MTDH: variants seen among roughly 807,000 people sequenced by gnomAD.
MTDH encodes metadherin.
In MTDH, 34 loss-of-function variants were observed where a neutral mutation model predicts 72.7. The ratio of observed to expected loss-of-function variants is 0.47; its 90% CI spans 0.36 to 0.62. The LOEUF is 0.62. MTDH is among the 20% of genes least tolerant of loss of function. The probability of loss-of-function intolerance (pLI) is 0.00; values close to 1 mark genes in which losing one functional copy is unlikely to be tolerated. For synonymous variants in MTDH, 266 were observed against 268.9 expected, an observed-to-expected ratio of 0.99 and a Z score of 0.10; for missense variants, 677 against 699.4, an observed-to-expected ratio of 0.97 and a Z score of 0.36.
At chr8:97,693,836 C>T (rs1352678633) in intron 6 of MTDH, among the ~76,000 whole-genome samples, 1 of 152,058 alleles carries the variant, frequency 6.6e-6, no homozygotes, top group African/African-American at 2.4e-5. Flanking sequence ...CTGCCTTAGC[C>T]TTCTTAGTAG....
Position 97,727,981 on chromosome 8 carries a change from G to A in MTDH, c.*3311G>A, listed in dbSNP as rs530163602. 7.9e-5 allele frequency: 12 copies of A among 152,210 alleles called. 1 individual carries two copies. In the South Asian group the frequency reaches 2.5e-3, roughly 32 times the overall value. 9.4% of individuals were successfully genotyped at this position (152,210 alleles called of 1,614,324 possible). A position where few individuals can be genotyped will look rare whatever the true frequency, so the allele number is the denominator to read the frequency against. On this transcript the variant is annotated 3_prime_UTR_variant, in exon 12 of 12. Coordinates refer to ENST00000336273, the MANE Select transcript of MTDH (RefSeq NM_178812.4). ...CAGAATAATTCACCCAAATCTAGTG[G>A]TCTTATTTCATAGGCTAATCTGGTT... is the stretch of plus-strand genomic sequence containing the variant.
At chr8:97,654,768 A>G (rs919545822) in intron 1 of MTDH, among the ~76,000 whole-genome samples, 2 of 151,884 alleles carry the variant, frequency 1.3e-5, no homozygotes, top group Non-Finnish European at 2.9e-5. Flanking sequence ...CACACACACA[A>G]TGCCTCCTGT....
intron 2 of MTDH, among the ~76,000 whole-genome samples, chr8:97,679,681 A>G (rs1235831496): frequency 2.6e-5 from 4 of 152,230 alleles, no homozygotes; most frequent in Admixed American, 2.0e-4. Context: ...TTACAAATGT[A>G]TACACTATCA....
intron 1 of MTDH, among the ~76,000 whole-genome samples, chr8:97,653,735 GAT>G (rs969579356): frequency 3.3e-5 from 5 of 152,174 alleles, no homozygotes; most frequent in Admixed American, 2.6e-4. Flanking sequence ...AAAATTCAGA[GAT>G]ATAAGTGAGG....
intron 7 of MTDH, among the ~76,000 whole-genome samples, chr8:97,705,534 A>C (rs1183101686): frequency 6.6e-6 from 1 of 152,256 alleles, no homozygotes; most frequent in Non-Finnish European, 1.5e-5. Flanking sequence ...TGGGAGGCAG[A>C]GGTTCCAGTT....
At position 97,644,276 on chromosome 8, in the gene MTDH, G is replaced by A; in HGVS notation, c.-231G>A. On this transcript the variant is annotated 5_prime_UTR_variant, in exon 1 of 12. Coordinates refer to ENST00000336273, the MANE Select transcript of MTDH (RefSeq NM_178812.4). ...GCCGCCACTGGAGACACTCCCTCCC[G>A]CCTCCCGGGTCTCCTGGCGGCGGCG... The A allele has an allele frequency of 1.1e-5, 6 of 549,924 alleles. No individual in the cohort carries two copies. Among genetic ancestry groups the A allele is most frequent in the Non-Finnish European group, 1.5e-5 (5 of 324,920 alleles). 34.1% of individuals were successfully genotyped at this position (549,924 alleles called of 1,614,324 possible). A position where few individuals can be genotyped will look rare whatever the true frequency, so the allele number is the denominator to read the frequency against.
intron 2 of MTDH, among the ~76,000 whole-genome samples, chr8:97,664,740 T>C (rs562835498): frequency 2.0e-3 from 307 of 152,066 alleles, no homozygotes; most frequent in Non-Finnish European, 3.3e-3. Flanking sequence ...TTTCTTCTTT[T>C]CCTTCCTTCC....
At chr8:97,696,316 T>C in intron 6 of MTDH, 1 of 972,446 alleles carries the variant, frequency 1.0e-6, no homozygotes, top group Non-Finnish European at 1.2e-6. Context: ...CAGTCTTTTG[T>C]TCAGCTAACA....
intron 1 of MTDH, among the ~76,000 whole-genome samples, chr8:97,648,342 G>A (rs574382833): frequency 6.6e-6 from 1 of 151,698 alleles, no homozygotes; most frequent in African/African-American, 2.4e-5. Flanking sequence ...CTCAAAGTCT[G>A]TATTAAATGG....
At chr8:97,688,822 T>G (rs1813471037) in intron 4 of MTDH, among the ~76,000 whole-genome samples, 1 of 152,204 alleles carries the variant, frequency 6.6e-6, no homozygotes, top group South Asian at 2.1e-4. Flanking sequence ...TTTTTGGCAT[T>G]TTAGTTGACT....
At chr8:97,694,785 T>C (rs927912326) in intron 6 of MTDH, among the ~76,000 whole-genome samples, 5 of 151,934 alleles carry the variant, frequency 3.3e-5, no homozygotes, top group Non-Finnish European at 7.4e-5. Context: ...TCGCTGGGCA[T>C]GGTGGCACGT....
rs1277829442 is a variant in MTDH at position 97,725,183 on chromosome 8, T to C, written c.*513T>C. The C allele has an allele frequency of 2.0e-5, 3 of 152,646 alleles. No individual in the cohort carries two copies. Among genetic ancestry groups the C allele is most frequent in the African/African-American group, 7.2e-5 (3 of 41,454 alleles). The allele number at this position is 152,646 out of a possible 1,614,324, so 9.5% of individuals were successfully genotyped here. A position where few individuals can be genotyped will look rare whatever the true frequency, so the allele number is the denominator to read the frequency against. On this transcript the variant is annotated 3_prime_UTR_variant, in exon 12 of 12. Coordinates refer to ENST00000336273, the MANE Select transcript of MTDH (RefSeq NM_178812.4). ...CAATTTGTATTAAAGAAATCACAAG[T>C]GCAAATAAAAAGTCATTTATCATTT...
At chr8:97,695,154 GCTGGA>G (rs1401952470) in intron 6 of MTDH, among the ~76,000 whole-genome samples, 7 of 150,730 alleles carry the variant, frequency 4.6e-5, no homozygotes, top group African/African-American at 1.7e-4. Context: ...TGTCACCCAG[GCTGGA>G]CTGCAGTGGC....
At chr8:97,687,112 A>G (rs188097230) in intron 3 of MTDH, among the ~76,000 whole-genome samples, 1 of 152,308 alleles carries the variant, frequency 6.6e-6, no homozygotes, top group Non-Finnish European at 1.5e-5. Flanking sequence ...TAGTGATTAT[A>G]TATAATACTC....
At chr8:97,659,709 A>T (rs1812108539) in intron 1 of MTDH, among the ~76,000 whole-genome samples, 1 of 152,218 alleles carries the variant, frequency 6.6e-6, no homozygotes, top group African/African-American at 2.4e-5. Context: ...AAGCCATTGA[A>T]ACTAGTATAT....
At position 97,687,708 on chromosome 8, in the gene MTDH, CA is replaced by C. The variant is rs1360987636; in HGVS notation, c.745+104del. ...AAAATCTGACTATTTTGAATGCTAA[CA>C]TCATTGTGCTGATATACCCTTCTTC... is the stretch of plus-strand genomic sequence containing the variant. On this transcript the variant is annotated intron_variant, in intron 4 of 11. Coordinates refer to ENST00000336273, the MANE Select transcript of MTDH (RefSeq NM_178812.4). 4.9e-6 allele frequency: 5 copies of C among 1,011,278 alleles called. No homozygotes were observed. The Admixed American group carries it at 7.9e-5, about 16-fold the overall frequency. 62.6% of individuals were successfully genotyped at this position (1,011,278 alleles called of 1,614,324 possible). A position where few individuals can be genotyped will look rare whatever the true frequency, so the allele number is the denominator to read the frequency against.
intron 8 of MTDH, among the ~76,000 whole-genome samples, chr8:97,711,397 A>G (rs931062594): frequency 6.6e-6 from 1 of 151,862 alleles, no homozygotes; most frequent in African/African-American, 2.4e-5. Flanking sequence ...GGCTAAGGCA[A>G]GAGGATCAGG....
chr8:97,645,232 T>G (rs1267488934), intron 1 of MTDH, among the ~76,000 whole-genome samples: 2 of 152,216 alleles, frequency 1.3e-5, no homozygotes, highest in East Asian at 3.9e-4. Flanking sequence ...GTAGGCTGCA[T>G]GTGGAGCGTA....
intron 6 of MTDH, chr8:97,696,306 C>T (rs1813831708): frequency 1.0e-6 from 1 of 982,530 alleles, no homozygotes; most frequent in South Asian, 4.7e-5. Flanking sequence ...ATGTGAAAAA[C>T]AGTCTTTTGT....
Sources: allele counts gnomAD v4.1 joint callset (sites outside exome capture counted in the v4.1 genomes callset), GRCh38; gene constraint gnomAD v4.1.1; transcripts MANE v1.5; gene names NCBI Gene and HGNC (gene_info 2026-07-23, HGNC 2026-07-21).